Variants in SCD5 observed in about 807,000 individuals in gnomAD.
SCD5 encodes the protein stearoyl-CoA desaturase 5, also known as acyl-CoA-desaturase 4.
Under a neutral mutation model 30.4 loss-of-function variants are expected in SCD5, and 20 were observed. The observed-to-expected ratio is 0.66, with a 90% CI of 0.46 to 0.96. The LOEUF is 0.96. SCD5 is among the 40% of genes least tolerant of loss of function. SCD5 has a pLI of 0.00. For synonymous variants in SCD5, 173 were observed against 176.4 expected (o/e 0.98, Z 0.16); for missense variants, 381 against 443.3 (o/e 0.86, Z 1.26).
chr4:82,680,750 C>T lies in SCD5; in HGVS notation c.526G>A (p.Val176Ile), dbSNP rs971374306. ...ACAGGATCAGCAAGCAGGTCAGTGA[C>T]GTCAAGCTTTCTCCCCTTCTCAATA... ...DVIEKGRKLD[V>I]TDLLADPVVR... Residue 176 changes from valine to isoleucine, a missense_variant, in exon 3 of 5, where the codon GTC (valine) becomes ATC (isoleucine). Transcript: ENST00000319540. 13 of 1,613,980 alleles carry T rather than the reference C, an allele frequency of 8.1e-6. No individual in the cohort carries two copies. Among genetic ancestry groups the T allele is most frequent in the African/African-American group, 5.3e-5 (4 of 74,888 alleles).
intron 1 of SCD5, among the ~76,000 whole-genome samples, chr4:82,797,745 A>T (rs1400259408): frequency 6.6e-6 from 1 of 151,832 alleles, no homozygotes; most frequent in African/African-American, 2.4e-5. Context: ...GAGAGGCAAG[A>T]GGGGAACCGG....
intron 2 of SCD5, among the ~76,000 whole-genome samples, chr4:82,686,130 C>T (rs552859512): frequency 6.6e-6 from 1 of 152,232 alleles, no homozygotes; most frequent in African/African-American, 2.4e-5. Context: ...CTCAGCCTCC[C>T]CAGTAGCTGG....
chr4:82,629,790 T>C lies in SCD5; in HGVS notation c.*1537A>G, dbSNP rs1392794605. 2 of 152,252 alleles carry C rather than the reference T, an allele frequency of 1.3e-5. No individual in the cohort carries two copies. Among genetic ancestry groups the C allele is most frequent in the African/African-American group, 4.8e-5 (2 of 41,468 alleles). The allele number at this position is 152,252 out of a possible 1,614,324, so 9.4% of individuals were successfully genotyped here. On this transcript the variant is annotated 3_prime_UTR_variant, in exon 5 of 5. Coordinates refer to ENST00000319540, the MANE Select transcript of SCD5 (RefSeq NM_001037582.3). Reference sequence around the variant, plus strand: ...CTAACATCTAACACAAAGGGCACACTGTCCCATTAATTCCACATGCACTTT... The same window carrying C: ...CTAACATCTAACACAAAGGGCACACCGTCCCATTAATTCCACATGCACTTT...
chr4:82,761,643 A>G (rs1721370228), intron 1 of SCD5, among the ~76,000 whole-genome samples: 1 of 151,740 alleles, frequency 6.6e-6, no homozygotes, highest in African/African-American at 2.4e-5. Flanking sequence ...GGTTAGTTAC[A>G]TATGTATACA....
chr4:82,741,901 T>A (rs540241547), intron 1 of SCD5, among the ~76,000 whole-genome samples: 10 of 150,268 alleles, frequency 6.7e-5, no homozygotes, highest in Non-Finnish European at 1.3e-4. Context: ...TTGGGGGAGC[T>A]GTTAATGAGC....
intron 2 of SCD5, among the ~76,000 whole-genome samples, chr4:82,687,550 A>G (rs2148823168): frequency 6.6e-6 from 1 of 152,316 alleles, no homozygotes; most frequent in South Asian, 2.1e-4. Flanking sequence ...TCCTTCTTCT[A>G]TCTTTATTCT....
chr4:82,702,999 T>C (rs1303766123), intron 2 of SCD5, among the ~76,000 whole-genome samples: 2 of 152,202 alleles, frequency 1.3e-5, no homozygotes, highest in Non-Finnish European at 1.5e-5. Flanking sequence ...AGTGACATTG[T>C]TATAAAACCC....
chr4:82,712,338 G>A (rs1271212369), intron 1 of SCD5, among the ~76,000 whole-genome samples: 1 of 108,038 alleles, frequency 9.3e-6, no homozygotes, highest in Non-Finnish European at 1.9e-5. Context: ...ATGAAGTCTC[G>A]CTCTGTCGCC....
chr4:82,713,597 C>T (rs1720157171), intron 1 of SCD5, among the ~76,000 whole-genome samples: 1 of 152,146 alleles, frequency 6.6e-6, no homozygotes, highest in Admixed American at 6.5e-5. Flanking sequence ...GTGCTATCTG[C>T]CCTTACTGAA....
At chr4:82,708,043 C>T (rs1298500961) in intron 1 of SCD5, among the ~76,000 whole-genome samples, 1 of 152,096 alleles carries the variant, frequency 6.6e-6, no homozygotes, top group Non-Finnish European at 1.5e-5. Context: ...AATAGTTTAT[C>T]ATCTATAGGG....
intron 1 of SCD5, among the ~76,000 whole-genome samples, chr4:82,725,359 G>A (rs1035950600): frequency 6.6e-6 from 1 of 152,090 alleles, no homozygotes; most frequent in Non-Finnish European, 1.5e-5. Flanking sequence ...CACCGTCCAC[G>A]CTAACTTTCA....
At chr4:82,745,307 G>C (rs1720957036) in intron 1 of SCD5, among the ~76,000 whole-genome samples, 1 of 152,122 alleles carries the variant, frequency 6.6e-6, no homozygotes, top group Admixed American at 6.6e-5. Context: ...TAATTCATGG[G>C]GAGACTCAAA....
rs149002120 is a variant in SCD5 at position 82,715,532 on chromosome 4, TA to T, written c.233-10120del. ...CTCTGGGCCTCAATTTCCTCATTAATAAAAAAAAAATAAGGGTGTCCCAAAC... is the reference window on the plus strand; with the variant it reads ...CTCTGGGCCTCAATTTCCTCATTAATAAAAAAAAATAAGGGTGTCCCAAAC... On this transcript the variant is annotated intron_variant, in intron 1 of 4. Transcript: ENST00000319540. Among the ~76,000 whole-genome samples the T allele has an allele frequency of 1.0e-4, 15 of 147,390 alleles. No homozygotes were observed. In the East Asian group the frequency reaches 1.2e-3, roughly 12 times the overall value.
chr4:82,786,513 T>C (rs1055316685), intron 1 of SCD5, among the ~76,000 whole-genome samples: 1 of 152,158 alleles, frequency 6.6e-6, no homozygotes, highest in Non-Finnish European at 1.5e-5. Context: ...TAAGAGGCAA[T>C]CTTCGGCCAG....
At chr4:82,768,942 C>CTTT (rs56979468) in intron 1 of SCD5, among the ~76,000 whole-genome samples, 1 of 141,206 alleles carries the variant, frequency 7.1e-6, no homozygotes, top group South Asian at 2.3e-4. Context: ...AAACCTAAGA[C>CTTT]TTTTTTTTTT....
intron 1 of SCD5, among the ~76,000 whole-genome samples, chr4:82,789,082 C>T (rs1353023477): frequency 6.6e-6 from 1 of 152,232 alleles, no homozygotes; most frequent in Non-Finnish European, 1.5e-5. Flanking sequence ...GCCCTCCCCT[C>T]AGGCCTCCCC....
chr4:82,735,210 T>C (rs1218632181), intron 1 of SCD5, among the ~76,000 whole-genome samples: 1 of 152,240 alleles, frequency 6.6e-6, no homozygotes, highest in Non-Finnish European at 1.5e-5. Flanking sequence ...GTTTGCAAGT[T>C]CTCCCCATGT....
intron 1 of SCD5, among the ~76,000 whole-genome samples, chr4:82,713,831 T>A (rs974356119): frequency 6.6e-6 from 1 of 152,202 alleles, no homozygotes; most frequent in African/African-American, 2.4e-5. Context: ...ATTGACCTCA[T>A]ACCTGCTCCG....
intron 3 of SCD5, among the ~76,000 whole-genome samples, chr4:82,641,757 G>A (rs918586325): frequency 1.6e-4 from 25 of 152,180 alleles, no homozygotes; most frequent in African/African-American, 5.8e-4. Flanking sequence ...ATGGTGGCCT[G>A]AACCTGGATA....
Sources: allele counts gnomAD v4.1 joint callset (sites outside exome capture counted in the v4.1 genomes callset), GRCh38; gene constraint gnomAD v4.1.1; transcripts MANE v1.5; gene names NCBI Gene and HGNC (gene_info 2026-07-23, HGNC 2026-07-21).